The following CNTNAP2 variants were observed in gnomAD, a reference collection of about 807,000 sequenced individuals.
CNTNAP2 encodes the protein contactin-associated protein-like 2.
Under a neutral mutation model 155.2 loss-of-function variants are expected in CNTNAP2, and 98 were observed. That is an observed-to-expected ratio of 0.63 (90% CI 0.54 to 0.75). The LOEUF is 0.75. CNTNAP2 is among the 30% of genes least tolerant of loss of function. The probability of loss-of-function intolerance (pLI) is 0.00; values close to 1 mark genes in which losing one functional copy is unlikely to be tolerated. For missense variants in CNTNAP2, 1,727 were observed against 1,688.1 expected, an observed-to-expected ratio of 1.02 and a Z score of -0.40; for synonymous variants, 651 against 631.2, an observed-to-expected ratio of 1.03 and a Z score of -0.47.
At chr7:148,384,988 G>A (rs541041507) in intron 22 of CNTNAP2, among the ~76,000 whole-genome samples, 1 of 152,288 alleles carries the variant, frequency 6.6e-6, no homozygotes, top group African/African-American at 2.4e-5. Context: ...TGAACCTTGA[G>A]TAAAGACTTC....
At chr7:147,147,997 A>C (rs1215464331) in intron 8 of CNTNAP2, among the ~76,000 whole-genome samples, 1 of 152,216 alleles carries the variant, frequency 6.6e-6, no homozygotes, top group Admixed American at 6.5e-5. Flanking sequence ...TATATTAAGC[A>C]CTGAGGGTAT....
chr7:146,532,766 C>G (rs1797787889), intron 1 of CNTNAP2, among the ~76,000 whole-genome samples: 1 of 151,830 alleles, frequency 6.6e-6, no homozygotes, highest in Non-Finnish European at 1.5e-5. Flanking sequence ...CCACTTGACA[C>G]AAGGAAAAGG....
At chr7:148,330,919 GATGGA>G in intron 21 of CNTNAP2, among the ~76,000 whole-genome samples, 1 of 136,826 alleles carries the variant, frequency 7.3e-6, no homozygotes. Flanking sequence ...GGAGTGGATG[GATGGA>G]ATGGACGGAT....
chr7:146,706,205 G>A (rs1376430290), intron 1 of CNTNAP2, among the ~76,000 whole-genome samples: 1 of 152,098 alleles, frequency 6.6e-6, no homozygotes, highest in Non-Finnish European at 1.5e-5. Context: ...TGGAGATGAA[G>A]TAACCTTTTT....
At chr7:147,119,453 G>A (rs933981326) in intron 5 of CNTNAP2, among the ~76,000 whole-genome samples, 3 of 152,046 alleles carry the variant, frequency 2.0e-5, no homozygotes, top group African/African-American at 7.2e-5. Flanking sequence ...AATATCAGAC[G>A]TGTCTACCTG....
Position 146,594,713 on chromosome 7 carries a change from C to G in CNTNAP2, c.98-179558C>G, listed in dbSNP as rs144248960. 1.6e-3 allele frequency among the ~76,000 whole-genome samples: 250 copies of G among 152,188 alleles called. 2 individuals carry two copies. Among genetic ancestry groups the G allele is most frequent in the Admixed American group, 4.5e-3 (69 of 15,256 alleles). Reference sequence around the variant, plus strand: ...GCTTTAAAAATAAATTACCAATCCTCTGTAATTTTGCGTCCTCTCATCTCA... The same window carrying G: ...GCTTTAAAAATAAATTACCAATCCTGTGTAATTTTGCGTCCTCTCATCTCA... On this transcript the variant is annotated intron_variant, in intron 1 of 23. Coordinates refer to ENST00000361727, the MANE Select transcript of CNTNAP2 (RefSeq NM_014141.6).
intron 1 of CNTNAP2, among the ~76,000 whole-genome samples, chr7:146,447,379 A>T (rs1013027078): frequency 6.6e-6 from 1 of 152,080 alleles, no homozygotes; most frequent in East Asian, 1.9e-4. Context: ...TCAGCAATGC[A>T]TTAGTATTTG....
intron 2 of CNTNAP2, among the ~76,000 whole-genome samples, chr7:146,837,075 C>T (rs1290535638): frequency 6.6e-6 from 1 of 152,018 alleles, no homozygotes; most frequent in East Asian, 1.9e-4. Flanking sequence ...TATCTCCTGC[C>T]TGGAATTCAA....
intron 3 of CNTNAP2, among the ~76,000 whole-genome samples, chr7:146,884,177 GTA>G (rs1403886658): frequency 6.6e-6 from 1 of 152,042 alleles, no homozygotes; most frequent in East Asian, 1.9e-4. Flanking sequence ...TGAAATCCAG[GTA>G]TATGAAAAGT....
At chr7:147,538,408 T>C (rs1799584561) in intron 11 of CNTNAP2, among the ~76,000 whole-genome samples, 1 of 152,160 alleles carries the variant, frequency 6.6e-6, no homozygotes, top group Admixed American at 6.5e-5. Flanking sequence ...TTCCAACTCT[T>C]TGGAAGGCCA....
At chr7:147,882,389 G>T (rs1799535883) in intron 13 of CNTNAP2, among the ~76,000 whole-genome samples, 1 of 152,190 alleles carries the variant, frequency 6.6e-6, no homozygotes, top group Non-Finnish European at 1.5e-5. Context: ...CCTTGGGAAG[G>T]AACAGAATTC....
At chr7:147,167,530 T>C in intron 8 of CNTNAP2, 1 of 815,030 alleles carries the variant, frequency 1.2e-6, no homozygotes, top group Non-Finnish European at 2.0e-6. Context: ...AAGCATGACT[T>C]AGAGGTTCTT....
At chr7:147,366,938 C>T (rs576133976) in intron 9 of CNTNAP2, among the ~76,000 whole-genome samples, 4 of 152,042 alleles carry the variant, frequency 2.6e-5, no homozygotes, top group African/African-American at 9.6e-5. Context: ...TTTTCTGGAG[C>T]GGACTGTATA....
At chr7:147,369,073 G>A (rs1584904772) in intron 9 of CNTNAP2, among the ~76,000 whole-genome samples, 2 of 152,094 alleles carry the variant, frequency 1.3e-5, no homozygotes, top group South Asian at 2.1e-4. Context: ...TCTATACAAC[G>A]GAAAAAAGTA....
intron 9 of CNTNAP2, among the ~76,000 whole-genome samples, chr7:147,360,772 T>C (rs931086108): frequency 7.2e-5 from 11 of 152,272 alleles, no homozygotes; most frequent in African/African-American, 1.7e-4. Flanking sequence ...TCACCAGCCA[T>C]TTCGACCCCC....
intron 13 of CNTNAP2, among the ~76,000 whole-genome samples, chr7:147,878,933 A>G (rs552443940): frequency 2.0e-5 from 3 of 152,242 alleles, no homozygotes; most frequent in Admixed American, 2.0e-4. Flanking sequence ...TGCACATTGC[A>G]TTTGGATGGG....
At chr7:147,629,298 G>A (rs1220340553) in intron 12 of CNTNAP2, among the ~76,000 whole-genome samples, 4 of 151,964 alleles carry the variant, frequency 2.6e-5, no homozygotes, top group Non-Finnish European at 5.9e-5. Context: ...AGCTACCTGG[G>A]AGGCTGAGGC....
At chr7:148,146,011 G>T in intron 16 of CNTNAP2, among the ~76,000 whole-genome samples, 1 of 152,178 alleles carries the variant, frequency 6.6e-6, no homozygotes, top group East Asian at 1.9e-4. Flanking sequence ...TAAAGTTAAT[G>T]CAGCTTTCCA....
chr7:147,188,573 G>C (rs933202632), intron 8 of CNTNAP2, among the ~76,000 whole-genome samples: 3 of 152,124 alleles, frequency 2.0e-5, no homozygotes, highest in Non-Finnish European at 4.4e-5. Flanking sequence ...TGAAATAAAG[G>C]CTCAGTCTGA....
Sources: allele counts gnomAD v4.1 joint callset (sites outside exome capture counted in the v4.1 genomes callset), GRCh38; gene constraint gnomAD v4.1.1; transcripts MANE v1.5; gene names NCBI Gene and HGNC (gene_info 2026-07-23, HGNC 2026-07-21).